The following CEACAM7 variants were observed in gnomAD, a reference collection of about 807,000 sequenced individuals.
The protein encoded by CEACAM7 is cell adhesion molecule CEACAM7.
Under a neutral mutation model 25.7 loss-of-function variants are expected in CEACAM7, and 24 were observed. The ratio of observed to expected loss-of-function variants is 0.93; its 90% CI spans 0.68 to 1.31. The LOEUF is 1.31. Ranked by LOEUF, CEACAM7 falls within the 40% of genes most tolerant of loss-of-function variation. The pLI is 0.00. For synonymous variants in CEACAM7, 144 were observed against 129.4 expected (o/e 1.11, Z -0.77); for missense variants, 324 against 330.1 (o/e 0.98, Z 0.14).
chr19:41,679,506 T>A (rs988372334), intron 3 of CEACAM7, among the ~76,000 whole-genome samples: 1 of 152,156 alleles, frequency 6.6e-6, no homozygotes, highest in African/African-American at 2.4e-5. Context: ...CCCTCTAAGA[T>A]AAAAACAAGA....
rs79524342 is a variant in CEACAM7 at position 41,674,500 on chromosome 19, C to T, written c.*276G>A. ...CTTGGGACATCTTGGGAAAAACTGT[C>T]CACAGCATGAAGTCATCAACTTCTT... On this transcript the variant is annotated 3_prime_UTR_variant, in exon 5 of 5. Transcript: ENST00000401731. 1.2e-5 allele frequency: 2 copies of T among 162,196 alleles called. No individual in the cohort carries two copies. Among genetic ancestry groups the T allele is most frequent in the African/African-American group, 4.8e-5 (2 of 41,566 alleles). The allele number at this position is 162,196 out of a possible 1,614,324, so 10.0% of individuals were successfully genotyped here.
At chr19:41,683,352 C>T (rs1381949739) in intron 3 of CEACAM7, among the ~76,000 whole-genome samples, 1 of 152,144 alleles carries the variant, frequency 6.6e-6, no homozygotes, top group East Asian at 1.9e-4. Context: ...GCTCCTAACT[C>T]GTAAGATATA....
At chr19:41,685,681 C>T (rs1037954974) in intron 2 of CEACAM7, among the ~76,000 whole-genome samples, 13 of 152,126 alleles carry the variant, frequency 8.5e-5, no homozygotes, top group African/African-American at 2.9e-4. Flanking sequence ...GTGACACCAA[C>T]ACATCAGGAA....
chr19:41,678,851 A>T (rs1428521173), intron 3 of CEACAM7, among the ~76,000 whole-genome samples: 1 of 152,256 alleles, frequency 6.6e-6, no homozygotes, highest in Non-Finnish European at 1.5e-5. Flanking sequence ...TGCAATTTTC[A>T]GTTGTGGAAA....
intron 3 of CEACAM7, among the ~76,000 whole-genome samples, chr19:41,680,077 C>T (rs548410603): frequency 7.8e-4 from 116 of 148,388 alleles, no homozygotes; most frequent in Non-Finnish European, 1.2e-3. Flanking sequence ...ACCTCAGCCT[C>T]CCAAAGTGCT....
chr19:41,687,958 G>A lies in CEACAM7; in HGVS notation c.64+144C>T, dbSNP rs1297884824. 1.2e-4 allele frequency: 63 copies of A among 517,010 alleles called. 1 individual carries two copies. In the South Asian group the frequency reaches 2.1e-3, roughly 17 times the overall value. 32.0% of individuals were successfully genotyped at this position (517,010 alleles called of 1,614,324 possible). A position where few individuals can be genotyped will look rare whatever the true frequency, so the allele number is the denominator to read the frequency against. On this transcript the variant is annotated intron_variant, in intron 1 of 4. Coordinates refer to ENST00000401731, the MANE Select transcript of CEACAM7 (RefSeq NM_001291485.2). Reference sequence around the variant, plus strand: ...AGTCCAATGTGATTTTCCTGTTCTGGTTTCCTGTCCCTGTCTGGTGTCCTC... The same window carrying A: ...AGTCCAATGTGATTTTCCTGTTCTGATTTCCTGTCCCTGTCTGGTGTCCTC...
intron 4 of CEACAM7, among the ~76,000 whole-genome samples, chr19:41,675,945 T>C (rs1555810068): frequency 6.6e-6 from 1 of 152,262 alleles, no homozygotes; most frequent in African/African-American, 2.4e-5. Context: ...TAATTTAACA[T>C]ATCAATTAAG....
rs28364632 is a variant in CEACAM7, at chr19:41,688,241, T to C, written c.-76A>G. On this transcript the variant is annotated 5_prime_UTR_variant, in exon 1 of 5. Transcript: ENST00000401731. ...ACTCTCTTGTCAGGGCTGCTGTGACTGTCAGCTCTGCTGTCCTTCCTACCT... is the reference window on the plus strand; with the variant it reads ...ACTCTCTTGTCAGGGCTGCTGTGACCGTCAGCTCTGCTGTCCTTCCTACCT... The C allele has an allele frequency of 1.5e-4, 233 of 1,553,918 alleles. No individual in the cohort carries two copies. In the East Asian group the frequency reaches 4.2e-3, roughly 28 times the overall value.
intron 2 of CEACAM7, among the ~76,000 whole-genome samples, chr19:41,686,443 C>T (rs1555811194): frequency 1.3e-5 from 2 of 152,142 alleles, no homozygotes; most frequent in Admixed American, 1.3e-4. Flanking sequence ...ACACAGGTTC[C>T]TTAGGGTCAC....
At chr19:41,677,976 G>T (rs1737858050) in intron 3 of CEACAM7, among the ~76,000 whole-genome samples, 1 of 152,098 alleles carries the variant, frequency 6.6e-6, no homozygotes, top group African/African-American at 2.4e-5. Context: ...AAGGTGATGG[G>T]CTTGAGGAAT....
At chr19:41,684,212 C>T in intron 2 of CEACAM7, 149 bp from the exon 3 acceptor site, 2 of 799,078 alleles carry the variant, frequency 2.5e-6, no homozygotes, top group Non-Finnish European at 4.0e-6. Context: ...AAGACAGATG[C>T]ACAATGATCT....
intron 4 of CEACAM7, among the ~76,000 whole-genome samples, chr19:41,676,451 C>G (rs534688723): frequency 1.9e-4 from 29 of 152,328 alleles, no homozygotes; most frequent in African/African-American, 6.7e-4. Context: ...ACCTTGAACT[C>G]TTGGGCTCAG....
At chr19:41,686,802 G>T (rs140577397) in intron 2 of CEACAM7, 57 bp downstream of exon 2, 130 of 1,499,896 alleles carry the variant, frequency 8.7e-5, no homozygotes, top group Middle Eastern at 7.2e-4. Flanking sequence ...TGACAACCCC[G>T]TGTGTATGAA....
chr19:41,686,866 G>A lies in CEACAM7; in HGVS notation c.420C>T (p.Tyr140=), dbSNP rs782619214. 2.5e-5 allele frequency: 38 copies of A among 1,528,670 alleles called. No homozygotes were observed. The highest frequency in any genetic ancestry group is 8.7e-5 in the Admixed American group (4 of 46,226). The allele number at this position is 1,528,670 out of a possible 1,614,324, so 94.7% of individuals were successfully genotyped here. Residue 140 remains tyrosine, a synonymous_variant, in exon 2 of 5, where the codon TAC becomes TAT. Coordinates refer to ENST00000401731, the MANE Select transcript of CEACAM7 (RefSeq NM_001291485.2). ...LVNEEVTRQF[Y]VFSEPPKPSI... ...CATGGAGGTATCACTCACAGAATACGTAGAATTGTCTGGTTACTTCTTCAT... is the reference window on the plus strand; with the variant it reads ...CATGGAGGTATCACTCACAGAATACATAGAATTGTCTGGTTACTTCTTCAT...
Position 41,683,259 on chromosome 19 carries a change from T to C in CEACAM7, c.706+526A>G, listed in dbSNP as rs553287599. ...GCTTTGGGGATAAAGAGCTCTTGCA[T>C]GTGTTGCAGAAGGTTTCCATTACTC... On this transcript the variant is annotated intron_variant, in intron 3 of 4. Coordinates refer to ENST00000401731, the MANE Select transcript of CEACAM7 (RefSeq NM_001291485.2). 2.6e-4 allele frequency among the ~76,000 whole-genome samples: 39 copies of C among 152,274 alleles called. No individual in the cohort carries two copies. In the South Asian group the frequency reaches 6.2e-3, roughly 24 times the overall value.
At position 41,688,111 on chromosome 19, in the gene CEACAM7, G is replaced by C. The variant is rs1458738738; in HGVS notation, c.55C>G (p.Leu19Val). ...GAAGTCCTCCCCTCACCTGTGAGCA[G>C]GAGCCCCTGCCAGGGAATGCACACT... ...YRVCIPWQGLLLTASLLTFWN... is the reference protein window; with the variant it reads ...YRVCIPWQGLVLTASLLTFWN... Residue 19 changes from leucine (L) to valine (V), a missense_variant, in exon 1 of 5, where the codon CTG becomes GTG. Transcript: ENST00000401731. 2.1e-5 allele frequency: 34 copies of C among 1,610,990 alleles called. No individual in the cohort carries two copies. The highest frequency in any genetic ancestry group is 2.8e-5 in the Non-Finnish European group (33 of 1,178,318).
At chr19:41,684,233 A>G (rs2072205376) in intron 2 of CEACAM7, among the ~76,000 whole-genome samples, 170 bp from the exon 3 acceptor site, 1 of 152,204 alleles carries the variant, frequency 6.6e-6, no homozygotes, top group Non-Finnish European at 1.5e-5. Flanking sequence ...GAGAGCTCAG[A>G]CACTGTGAGG....
chr19:41,677,526 G>C, intron 3 of CEACAM7, 23 bp from the exon 4 acceptor site: 1 of 1,575,284 alleles, frequency 6.3e-7, no homozygotes, highest in Non-Finnish European at 8.7e-7. Context: ...GAAAAGAGAA[G>C]GAATGAAGTT....
At chr19:41,677,279 C>A (rs2072123725) in intron 4 of CEACAM7, 97 bp downstream of exon 4, 7 of 636,466 alleles carry the variant, frequency 1.1e-5, no homozygotes, top group African/African-American at 5.4e-5. Flanking sequence ...AGGAGGAGAT[C>A]TAGTCCCAGA....
Sources: gnomAD v4.1 joint callset for allele counts (sites outside exome capture counted in the v4.1 genomes callset) on GRCh38, gnomAD v4.1.1 for gene constraint, MANE v1.5 for transcripts, NCBI Gene and HGNC (gene_info 2026-07-23, HGNC 2026-07-21) for gene names.